Variants in HSP90B1 observed in about 807,000 individuals in gnomAD.
The protein encoded by HSP90B1 is endoplasmin.
Under a neutral mutation model 100.4 loss-of-function variants are expected in HSP90B1, and 27 were observed. That is an observed-to-expected ratio of 0.27 (90% confidence interval 0.20 to 0.37). The LOEUF is 0.37. Among genes scored for constraint, HSP90B1 ranks in the 10% least tolerant of loss-of-function variants. The pLI, the probability that HSP90B1 is intolerant of heterozygous loss-of-function variation, is 1.00. For missense variants in HSP90B1, 678 were observed against 960.5 expected (o/e 0.71, Z 3.89); for synonymous variants, 304 against 330.8 (o/e 0.92, Z 0.88).
intron 5 of HSP90B1, 35 bp from the exon 6 acceptor site, chr12:103,937,660 G>A (rs778499208): frequency 5.1e-5 from 51 of 995,282 alleles, no homozygotes; most frequent in Non-Finnish European, 7.7e-5. Context: ...TCTTCTAAAT[G>A]TTAGGTGTCT....
At chr12:103,932,525 T>A in intron 3 of HSP90B1, 107 bp downstream of exon 3, 1 of 922,510 alleles carries the variant, frequency 1.1e-6, no homozygotes, top group Non-Finnish European at 1.7e-6. Flanking sequence ...AGTAAGTAGG[T>A]AACAACCTTT....
Position 103,946,815 on chromosome 12 carries a change from T to C in HSP90B1, c.2136T>C (p.Asp712=). 3 of 1,614,198 alleles carry C rather than the reference T, an allele frequency of 1.9e-6. No homozygotes were observed. The highest frequency in any genetic ancestry group is 2.5e-6 in the Non-Finnish European group (3 of 1,180,026). The change falls in exon 16 of 18, where the codon GAT becomes GAC. Residue 712 remains aspartate (D), a synonymous_variant. Coordinates refer to ENST00000299767, the MANE Select transcript of HSP90B1 (RefSeq NM_003299.3). The part of the protein sequence containing the change: ...KEDEDDKTVL[D]LAVVLFETAT... ...ATGAAGATGATAAAACAGTTTTGGATCTTGCTGTGGTTTTGTTTGAAACAG... is the reference window on the plus strand; with the variant it reads ...ATGAAGATGATAAAACAGTTTTGGACCTTGCTGTGGTTTTGTTTGAAACAG...
In HSP90B1 at chr12:103,931,528, C is replaced by G. The variant is rs1566164465; in HGVS notation, c.57C>G (p.Val19=). 1.2e-6 allele frequency: 2 copies of G among 1,612,848 alleles called. No homozygotes were observed. Among genetic ancestry groups the G allele is most frequent in the Non-Finnish European group, 1.7e-6 (2 of 1,179,062 alleles). The change falls in exon 2 of 18, where the codon GTC becomes GTG. Residue 19 remains valine (V), a synonymous_variant. Coordinates refer to ENST00000299767, the MANE Select transcript of HSP90B1 (RefSeq NM_003299.3). ...LCCVLLTFGS[V]RADDEVDVDG... ...CCCGTGTTAAATCTTCAGGGTCGGT[C>G]AGAGCTGACGATGAAGTTGATGTGG...
chr12:103,939,474 TGA>T (rs779002824), intron 7 of HSP90B1, 33 bp from the exon 8 acceptor site: 1 of 967,904 alleles, frequency 1.0e-6, no homozygotes, highest in Non-Finnish European at 1.6e-6. Flanking sequence ...TGGTGAGTGC[TGA>T]GAGAGACTAA....
chr12:103,939,651 C>A, intron 8 of HSP90B1, 26 bp downstream of exon 8: 1 of 1,109,578 alleles, frequency 9.0e-7, no homozygotes, highest in Admixed American at 2.4e-5. Context: ...TCCCTAGTTT[C>A]TGGTTATTAA....
rs1189870121 is a variant in HSP90B1, at chr12:103,947,912, A to G, written c.*250A>G. 2.0e-6 allele frequency: 1 copy of G among 495,768 alleles called. No individual in the cohort carries two copies. The highest frequency in any genetic ancestry group is 3.6e-5 in the East Asian group (1 of 28,006). 30.7% of individuals were successfully genotyped at this position (495,768 alleles called of 1,614,324 possible). A position where few individuals can be genotyped will look rare whatever the true frequency, so the allele number is the denominator to read the frequency against. The stretch of plus-strand genomic sequence containing the variant: ...AATCTTGTCATGTGTATAAAAATAA[A>G]AAAGATCCCAAATACTCAGTGTCTT... On this transcript the variant is annotated 3_prime_UTR_variant, in exon 18 of 18. Transcript: ENST00000299767.
chr12:103,945,019 C>T (rs769146051), intron 14 of HSP90B1, among the ~76,000 whole-genome samples: 2 of 152,202 alleles, frequency 1.3e-5, no homozygotes, highest in East Asian at 1.9e-4. Context: ...AACATGTCCA[C>T]CTATTAATTT....
chr12:103,933,931 T>TA, intron 4 of HSP90B1, 25 bp from the exon 5 acceptor site: 1 of 1,568,422 alleles, frequency 6.4e-7, no homozygotes, highest in Admixed American at 1.7e-5. Context: ...TAAATACAAC[T>TA]ATCTGGTTCT....
chr12:103,946,307 C>T (rs1195588002), intron 14 of HSP90B1, among the ~76,000 whole-genome samples: 1 of 152,122 alleles, frequency 6.6e-6, no homozygotes, highest in Admixed American at 6.5e-5. Context: ...ATATTCTAGT[C>T]CCCCAGTCTG....
chr12:103,947,463 C>T lies in HSP90B1; in HGVS notation c.2382+33C>T, dbSNP rs6539111. On this transcript the variant is annotated intron_variant, in intron 17 of 17. Coordinates refer to ENST00000299767, the MANE Select transcript of HSP90B1 (RefSeq NM_003299.3). ...AAATCAAGAATGTGACTTGCATTTT[C>T]AGTTCTGGCAAAGTTAGGACAGAGT... 12 of 1,613,986 alleles carry T rather than the reference C, an allele frequency of 7.4e-6. No individual in the cohort carries two copies. In the South Asian group the frequency reaches 1.3e-4, roughly 18 times the overall value.
At chr12:103,941,571 T>G in intron 9 of HSP90B1, 24 bp downstream of exon 9, 3 of 1,613,980 alleles carry the variant, frequency 1.9e-6, no homozygotes, top group Non-Finnish European at 2.5e-6. Flanking sequence ...TAGTACATGC[T>G]GCGTTTAAAA....
At position 103,930,452 on chromosome 12, in the gene HSP90B1, A is replaced by G. The variant is rs985040402; in HGVS notation, c.-64A>G. 6.6e-7 allele frequency: 1 copy of G among 1,510,760 alleles called. No individual in the cohort carries two copies. The highest frequency in any genetic ancestry group is 9.0e-7 in the Non-Finnish European group (1 of 1,115,036). 93.6% of individuals were successfully genotyped at this position (1,510,760 alleles called of 1,614,324 possible). ...GCTGGAGGTGTGAGGATCCGAACCCAGGGGTGGGGGGTGGAGGCGGCTCCT... is the reference window on the plus strand; with the variant it reads ...GCTGGAGGTGTGAGGATCCGAACCCGGGGGTGGGGGGTGGAGGCGGCTCCT... On this transcript the variant is annotated 5_prime_UTR_variant, in exon 1 of 18. Coordinates refer to ENST00000299767, the MANE Select transcript of HSP90B1 (RefSeq NM_003299.3). This position sits in a 1 kb window ranked among gnomAD's most constrained non-coding sequence, Gnocchi z 4.4.
At chr12:103,933,814 T>TA in intron 4 of HSP90B1, 142 bp from the exon 5 acceptor site, 2 of 651,714 alleles carry the variant, frequency 3.1e-6, no homozygotes, top group South Asian at 4.1e-5. Flanking sequence ...GAAAAGGCCA[T>TA]AAAAAACTAT....
chr12:103,939,957 A>G (rs899180782), intron 8 of HSP90B1, among the ~76,000 whole-genome samples: 4 of 152,248 alleles, frequency 2.6e-5, no homozygotes, highest in Admixed American at 2.0e-4. Context: ...TGCAGCAGTT[A>G]TTAAAATTAG....
chr12:103,938,833 G>C (rs1869995033), intron 7 of HSP90B1: 3 of 153,340 alleles, frequency 2.0e-5, no homozygotes, highest in Admixed American at 1.3e-4. Flanking sequence ...AAGAAGTATT[G>C]ATCATGGTGG....
intron 5 of HSP90B1, among the ~76,000 whole-genome samples, chr12:103,935,574 G>A (rs1248349630): frequency 1.3e-5 from 2 of 152,184 alleles, no homozygotes; most frequent in Non-Finnish European, 2.9e-5. Flanking sequence ...TGCAGCAGAT[G>A]TTCTTTTAAT....
At position 103,942,556 on chromosome 12, in the gene HSP90B1, G is replaced by A. The variant is rs200554688; in HGVS notation, c.1404G>A (p.Thr468=). The A allele has an allele frequency of 6.3e-5, 102 of 1,613,822 alleles. No individual in the cohort carries two copies. The highest frequency in any genetic ancestry group is 5.2e-4 in the Admixed American group (31 of 60,018). The change falls in exon 12 of 18, where the codon ACG becomes ACA. Residue 468 remains threonine, a synonymous_variant. Coordinates refer to ENST00000299767, the MANE Select transcript of HSP90B1 (RefSeq NM_003299.3). ...KVIRKKLVRK[T]LDMIKKIADD... ...TTAGGAAGAAGCTTGTTCGTAAAACGCTGGACATGATCAAGAAGATTGCTG... is the reference window on the plus strand; with the variant it reads ...TTAGGAAGAAGCTTGTTCGTAAAACACTGGACATGATCAAGAAGATTGCTG...
intron 5 of HSP90B1, 31 bp from the exon 6 acceptor site, chr12:103,937,664 G>T: frequency 9.8e-7 from 1 of 1,024,978 alleles, no homozygotes; most frequent in South Asian, 1.3e-5. Flanking sequence ...CTAAATGTTA[G>T]GTGTCTCTAA....
chr12:103,937,837 T>C lies in HSP90B1; in HGVS notation c.855+31T>C, dbSNP rs558747422. Reference sequence around the variant, plus strand: ...TCTATATTGATTAAAAACTTATATGTATTACCTTGGCACGTATTTAAATAT... The same window carrying C: ...TCTATATTGATTAAAAACTTATATGCATTACCTTGGCACGTATTTAAATAT... On this transcript the variant is annotated intron_variant, in intron 6 of 17. Transcript: ENST00000299767. 8 of 1,088,310 alleles carry C rather than the reference T, an allele frequency of 7.4e-6. No individual in the cohort carries two copies. The South Asian group carries it at 9.3e-5, about 13-fold the overall frequency. 67.4% of individuals were successfully genotyped at this position (1,088,310 alleles called of 1,614,324 possible). A position where few individuals can be genotyped will look rare whatever the true frequency, so the allele number is the denominator to read the frequency against.
Sources: allele counts gnomAD v4.1 joint callset (sites outside exome capture counted in the v4.1 genomes callset), GRCh38; gene constraint gnomAD v4.1.1; non-coding constraint Gnocchi (gnomAD v3.1); transcripts MANE v1.5; gene names NCBI Gene and HGNC (gene_info 2026-07-23, HGNC 2026-07-21).